The following NR6A1 variants were observed in gnomAD, a reference collection of about 807,000 sequenced individuals.
NR6A1 encodes nuclear receptor subfamily 6 group A member 1, also known as retinoic acid receptor-related testis-associated receptor.
A neutral mutation model predicts 59.1 loss-of-function variants in NR6A1; 7 were observed. The observed-to-expected ratio is 0.12, with a 90% CI of 0.07 to 0.22. NR6A1 has a LOEUF of 0.22. Ranked by LOEUF, NR6A1 falls within the 10% of genes least tolerant of loss-of-function variation. The pLI is 1.00. For synonymous variants in NR6A1, 243 were observed against 236.1 expected (o/e 1.03, Z -0.27); for missense variants, 468 against 611.6 (o/e 0.77, Z 2.48).
intron 2 of NR6A1, among the ~76,000 whole-genome samples, chr9:124,605,856 T>C (rs1033391674): frequency 2.6e-5 from 4 of 152,346 alleles, no homozygotes; most frequent in African/African-American, 9.6e-5. Flanking sequence ...AATCCATCTA[T>C]TTGTTTCTGT....
At chr9:124,690,394 T>C (rs376500560) in intron 2 of NR6A1, among the ~76,000 whole-genome samples, 4 of 152,126 alleles carry the variant, frequency 2.6e-5, no homozygotes, top group Non-Finnish European at 4.4e-5. Flanking sequence ...CTCTGGAATA[T>C]TGGAAACCAC....
chr9:124,710,947 G>A (rs1294424578), intron 2 of NR6A1, among the ~76,000 whole-genome samples: 1 of 151,952 alleles, frequency 6.6e-6, no homozygotes, highest in Non-Finnish European at 1.5e-5. Flanking sequence ...GATTCATGTG[G>A]TGTATAATGA....
At chr9:124,582,973 C>T (rs1834817538) in intron 2 of NR6A1, among the ~76,000 whole-genome samples, 1 of 152,120 alleles carries the variant, frequency 6.6e-6, no homozygotes, top group Non-Finnish European at 1.5e-5. Context: ...GCCCTTCCCC[C>T]CCAAAGCACT....
intron 3 of NR6A1, among the ~76,000 whole-genome samples, chr9:124,553,516 C>G (rs1268014704): frequency 6.9e-6 from 1 of 145,636 alleles, no homozygotes; most frequent in Admixed American, 6.9e-5. Context: ...TTCAGAGGGT[C>G]CTATAGAGAA....
At chr9:124,761,917 T>G (rs961165018) in intron 1 of NR6A1, among the ~76,000 whole-genome samples, 3 of 152,284 alleles carry the variant, frequency 2.0e-5, no homozygotes, top group African/African-American at 7.2e-5. Flanking sequence ...AACAAAAGCT[T>G]TATCAGAGAA....
intron 2 of NR6A1, among the ~76,000 whole-genome samples, chr9:124,712,740 A>G (rs962319690): frequency 2.0e-5 from 3 of 152,240 alleles, no homozygotes; most frequent in Admixed American, 6.5e-5. Context: ...CTGGAAAATT[A>G]TAATACATCA....
At chr9:124,529,607 C>T (rs1220468545) in intron 7 of NR6A1, among the ~76,000 whole-genome samples, 2 of 152,154 alleles carry the variant, frequency 1.3e-5, no homozygotes, top group Non-Finnish European at 2.9e-5. Context: ...CACTGCCTAC[C>T]CTTGATCCTG....
At chr9:124,735,935 C>T (rs1055129379) in intron 1 of NR6A1, among the ~76,000 whole-genome samples, 2 of 152,178 alleles carry the variant, frequency 1.3e-5, no homozygotes, top group African/African-American at 4.8e-5. Flanking sequence ...CTAATACCAT[C>T]ACCTTGGAGG....
intron 1 of NR6A1, among the ~76,000 whole-genome samples, chr9:124,743,951 G>A (rs1221032372): frequency 6.6e-6 from 1 of 152,220 alleles, no homozygotes; most frequent in Non-Finnish European, 1.5e-5. Context: ...TCAAGGCCAG[G>A]CACAGTGGCT....
At chr9:124,718,803 C>CTTT (rs11316308) in intron 2 of NR6A1, among the ~76,000 whole-genome samples, 6 of 64,572 alleles carry the variant, frequency 9.3e-5, no homozygotes, top group East Asian at 5.8e-4. Flanking sequence ...AAATTGTTAC[C>CTTT]TTTTTTTTTT....
At chr9:124,664,307 T>C (rs1298370346) in intron 2 of NR6A1, among the ~76,000 whole-genome samples, 2 of 152,294 alleles carry the variant, frequency 1.3e-5, no homozygotes, top group South Asian at 2.1e-4. Flanking sequence ...GATTGTGCGA[T>C]GTAGTTTAGA....
intron 2 of NR6A1, among the ~76,000 whole-genome samples, chr9:124,618,205 G>A (rs1055627817): frequency 6.6e-6 from 1 of 152,226 alleles, no homozygotes; most frequent in African/African-American, 2.4e-5. Flanking sequence ...ACCATGGCCA[G>A]GTACGGTGGC....
intron 2 of NR6A1, among the ~76,000 whole-genome samples, chr9:124,571,217 G>A (rs2131430890): frequency 6.6e-6 from 1 of 152,320 alleles, no homozygotes; most frequent in African/African-American, 2.4e-5. Context: ...ACAGACAAAA[G>A]GGCTTGCTGG....
At chr9:124,596,330 A>G (rs1218532743) in intron 2 of NR6A1, among the ~76,000 whole-genome samples, 2 of 152,168 alleles carry the variant, frequency 1.3e-5, no homozygotes, top group Non-Finnish European at 2.9e-5. Flanking sequence ...GGCGTGCAGA[A>G]GTGGGATTCC....
intron 2 of NR6A1, among the ~76,000 whole-genome samples, chr9:124,718,542 T>C (rs942848233): frequency 5.9e-5 from 9 of 152,218 alleles, no homozygotes; most frequent in African/African-American, 2.2e-4. Flanking sequence ...TTTGGCAGAA[T>C]AGCCATGGAA....
At chr9:124,683,778 A>C (rs915481821) in intron 2 of NR6A1, among the ~76,000 whole-genome samples, 7 of 152,258 alleles carry the variant, frequency 4.6e-5, no homozygotes, top group African/African-American at 1.7e-4. Flanking sequence ...GGGCAACAAG[A>C]GTGAAACTCC....
chr9:124,546,802 T>C (rs1031580679), intron 3 of NR6A1, among the ~76,000 whole-genome samples: 5 of 152,234 alleles, frequency 3.3e-5, no homozygotes, highest in African/African-American at 1.2e-4. Context: ...GACCATATTT[T>C]CAAACTTATA....
intron 2 of NR6A1, among the ~76,000 whole-genome samples, chr9:124,581,972 G>C (rs1834785705): frequency 6.6e-6 from 1 of 152,200 alleles, no homozygotes; most frequent in Non-Finnish European, 1.5e-5. Flanking sequence ...TATACTTTTG[G>C]TGAGAGTGAA....
intron 2 of NR6A1, among the ~76,000 whole-genome samples, chr9:124,580,548 G>A (rs1005491280): frequency 1.3e-5 from 2 of 152,164 alleles, no homozygotes; most frequent in Non-Finnish European, 2.9e-5. Flanking sequence ...GGCCAGGCGT[G>A]GTGGTTCACA....
Sources: gnomAD v4.1 joint callset for allele counts (sites outside exome capture counted in the v4.1 genomes callset) on GRCh38, gnomAD v4.1.1 for gene constraint, MANE v1.5 for transcripts, NCBI Gene and HGNC (gene_info 2026-07-23, HGNC 2026-07-21) for gene names.